TACR3: variants seen among roughly 807,000 people sequenced by gnomAD.
TACR3 encodes tachykinin receptor 3.
Under a neutral mutation model 35.0 loss-of-function variants are expected in TACR3, and 34 were observed. The observed-to-expected ratio is 0.97, with a 90% CI of 0.74 to 1.30. The LOEUF is 1.30. TACR3 is among the 50% of genes most tolerant of loss of function. TACR3 has a pLI of 0.00. For synonymous variants in TACR3, 233 were observed against 221.1 expected (o/e 1.05, Z -0.48); for missense variants, 558 against 591.7 (o/e 0.94, Z 0.59).
chr4:103,613,468 C>T (rs1041251740), intron 3 of TACR3, among the ~76,000 whole-genome samples: 17 of 151,746 alleles, frequency 1.1e-4, no homozygotes, highest in Admixed American at 3.3e-4. Flanking sequence ...TACAGGTGTG[C>T]GCTACCACGC....
intron 1 of TACR3, among the ~76,000 whole-genome samples, chr4:103,709,078 C>T (rs942763224): frequency 1.3e-5 from 2 of 152,308 alleles, no homozygotes; most frequent in Admixed American, 1.3e-4. Context: ...TTGGAAAACA[C>T]TCTGCAGGAT....
intron 3 of TACR3, among the ~76,000 whole-genome samples, chr4:103,634,286 A>C (rs911788933): frequency 6.6e-6 from 1 of 152,120 alleles, no homozygotes; most frequent in Non-Finnish European, 1.5e-5. Flanking sequence ...AAAAACTTCA[A>C]ATGAGATAAA....
At chr4:103,654,131 C>T (rs1213497311) in intron 3 of TACR3, among the ~76,000 whole-genome samples, 1 of 151,260 alleles carries the variant, frequency 6.6e-6, no homozygotes, top group African/African-American at 2.5e-5. Flanking sequence ...TTGTGGAAGT[C>T]AGTGTGGCGA....
intron 1 of TACR3, among the ~76,000 whole-genome samples, chr4:103,661,136 T>C (rs949731859): frequency 2.0e-5 from 3 of 152,042 alleles, no homozygotes; most frequent in Non-Finnish European, 2.9e-5. Flanking sequence ...GAGAAATATA[T>C]ATATTTCTCC....
At chr4:103,696,342 A>G (rs1225360631) in intron 1 of TACR3, among the ~76,000 whole-genome samples, 1 of 152,186 alleles carries the variant, frequency 6.6e-6, no homozygotes, top group Admixed American at 6.5e-5. Context: ...TCAGTTATAA[A>G]TACATAGAGA....
chr4:103,639,221 A>G (rs1725285621), intron 3 of TACR3, among the ~76,000 whole-genome samples: 1 of 151,862 alleles, frequency 6.6e-6, no homozygotes, highest in Non-Finnish European at 1.5e-5. Context: ...CTGGATTAAG[A>G]AACTGTGGCA....
At chr4:103,604,878 G>A (rs1724311732) in intron 3 of TACR3, among the ~76,000 whole-genome samples, 1 of 149,002 alleles carries the variant, frequency 6.7e-6, no homozygotes, top group Non-Finnish European at 1.5e-5. Flanking sequence ...TGTGCACATT[G>A]TGCAGGTTAG....
intron 1 of TACR3, among the ~76,000 whole-genome samples, chr4:103,665,014 T>G (rs1332405335): frequency 6.6e-6 from 1 of 151,862 alleles, no homozygotes; most frequent in Non-Finnish European, 1.5e-5. Flanking sequence ...GGATTCACCA[T>G]GTTGTCCAGG....
At chr4:103,619,691 C>T (rs1046721145) in intron 3 of TACR3, among the ~76,000 whole-genome samples, 1 of 151,966 alleles carries the variant, frequency 6.6e-6, no homozygotes, top group Non-Finnish European at 1.5e-5. Flanking sequence ...GAGGTGTATT[C>T]CTTTGAACTC....
chr4:103,704,105 CAAAAAAAAAAAAAAA>C (rs59034473), intron 1 of TACR3, among the ~76,000 whole-genome samples: 947 of 64,746 alleles, frequency 0.015, 19 homozygotes, highest in African/African-American at 0.05. Context: ...CTCTATCTCA[CAAAAAAAAAAAAAAA>C]AAAAAAAAAA....
chr4:103,717,438 A>G (rs1723113921), intron 1 of TACR3, among the ~76,000 whole-genome samples: 1 of 152,158 alleles, frequency 6.6e-6, no homozygotes, highest in Non-Finnish European at 1.5e-5. Context: ...AATGACTGTA[A>G]TAAGATAGCA....
intron 3 of TACR3, among the ~76,000 whole-genome samples, chr4:103,626,441 G>T (rs1724893554): frequency 6.6e-6 from 1 of 151,840 alleles, no homozygotes; most frequent in Non-Finnish European, 1.5e-5. Flanking sequence ...ACGAATTTTT[G>T]TGTTTAGGAA....
chr4:103,634,941 G>A (rs1725147873), intron 3 of TACR3, among the ~76,000 whole-genome samples: 1 of 152,038 alleles, frequency 6.6e-6, no homozygotes, highest in Non-Finnish European at 1.5e-5. Flanking sequence ...ATTGTTGGGA[G>A]TGTAAAATAA....
chr4:103,716,936 T>C (rs1002796232), intron 1 of TACR3, among the ~76,000 whole-genome samples: 4 of 152,176 alleles, frequency 2.6e-5, no homozygotes, highest in Non-Finnish European at 5.9e-5. Context: ...GAAGGCACCA[T>C]GATTCAGTGT....
chr4:103,633,519 G>A (rs1560815613), intron 3 of TACR3, among the ~76,000 whole-genome samples: 1 of 151,940 alleles, frequency 6.6e-6, no homozygotes, highest in Non-Finnish European at 1.5e-5. Context: ...CATCACCCAA[G>A]CAGTATACAC....
intron 1 of TACR3, among the ~76,000 whole-genome samples, chr4:103,699,271 A>T (rs942857103): frequency 6.6e-6 from 1 of 152,222 alleles, no homozygotes; most frequent in Non-Finnish European, 1.5e-5. Flanking sequence ...TGGAGGAAGA[A>T]TATTTTCTAC....
chr4:103,605,687 T>G (rs915746559), intron 3 of TACR3, among the ~76,000 whole-genome samples: 3 of 152,140 alleles, frequency 2.0e-5, no homozygotes, highest in African/African-American at 4.8e-5. Context: ...TTTTTTCTTG[T>G]AAATTTGTTT....
At chr4:103,705,448 G>C (rs60179252) in intron 1 of TACR3, among the ~76,000 whole-genome samples, 1 of 151,978 alleles carries the variant, frequency 6.6e-6, no homozygotes, top group East Asian at 1.9e-4. Context: ...TGACAGGCAT[G>C]AGAATGCAAA....
intron 3 of TACR3, among the ~76,000 whole-genome samples, chr4:103,643,469 A>G (rs867026161): frequency 1.8e-4 from 28 of 151,642 alleles, no homozygotes; most frequent in Middle Eastern, 3.4e-3. Flanking sequence ...CAGATTGCCT[A>G]AGGGTAGCTA....
Sources: gnomAD v4.1 joint callset for allele counts (sites outside exome capture counted in the v4.1 genomes callset) on GRCh38, gnomAD v4.1.1 for gene constraint, MANE v1.5 for transcripts, NCBI Gene and HGNC (gene_info 2026-07-23, HGNC 2026-07-21) for gene names.